FAM168B: variants seen among roughly 807,000 people sequenced by gnomAD.
The protein encoded by FAM168B is family with sequence similarity 168 member B.
FAM168B carries 19 observed loss-of-function variants against 21.8 expected under a neutral mutation model. The ratio of observed to expected loss-of-function variants is 0.87; its 90% confidence interval spans 0.61 to 1.28. The LOEUF (loss-of-function observed/expected upper bound fraction) is 1.28. FAM168B is among the 50% of genes most tolerant of loss of function. The probability of loss-of-function intolerance (pLI) is 0.00; values close to 1 mark genes in which losing one functional copy is unlikely to be tolerated. For synonymous variants in FAM168B, 126 were observed against 104.8 expected, an observed-to-expected ratio of 1.20 and a Z score of -1.24; for missense variants, 233 against 263.1, an observed-to-expected ratio of 0.89 and a Z score of 0.79.
chr2:131,058,618 A>G (rs1443904683), intron 3 of FAM168B, among the ~76,000 whole-genome samples: 2 of 152,234 alleles, frequency 1.3e-5, no homozygotes, highest in Middle Eastern at 3.2e-3. Context: ...CACTGCCAAA[A>G]TTTGAATACA....
chr2:131,090,365 T>C (rs1299871134), intron 1 of FAM168B, among the ~76,000 whole-genome samples: 1 of 150,152 alleles, frequency 6.7e-6, no homozygotes, highest in African/African-American at 2.4e-5. Context: ...CACTATATAC[T>C]ATTGTTTCCT....
At chr2:131,084,101 C>T (rs1022345503) in intron 1 of FAM168B, among the ~76,000 whole-genome samples, 1 of 151,904 alleles carries the variant, frequency 6.6e-6, no homozygotes, top group Non-Finnish European at 1.5e-5. Context: ...CGGGGTTTCA[C>T]CATGTTGGCC....
chr2:131,056,813 A>AGATACAAGGACAC (rs1692046261), intron 3 of FAM168B, among the ~76,000 whole-genome samples: 1 of 152,192 alleles, frequency 6.6e-6, no homozygotes, highest in South Asian at 2.1e-4. Context: ...CAAAGGAGCC[A>AGATACAAGGACAC]GATACAAGGA....
In FAM168B at chr2:131,050,824, C is replaced by A; in HGVS notation, c.*1641G>T. 1.0e-6 allele frequency: 1 copy of A among 985,410 alleles called. No individual in the cohort carries two copies. Among genetic ancestry groups the A allele is most frequent in the Non-Finnish European group, 1.2e-6 (1 of 829,974 alleles). The allele number at this position is 985,410 out of a possible 1,614,324, so 61.0% of individuals were successfully genotyped here. On this transcript the variant is annotated 3_prime_UTR_variant, in exon 7 of 7. Transcript: ENST00000389915. Reference sequence around the variant, plus strand: ...ATGAAGAGGAGCAGAGCCCCCTCCCCACCAGAGCCCACAGCACTCAAACCA... The same window carrying A: ...ATGAAGAGGAGCAGAGCCCCCTCCCAACCAGAGCCCACAGCACTCAAACCA...
intron 1 of FAM168B, among the ~76,000 whole-genome samples, chr2:131,090,572 A>T (rs1693956456): frequency 6.6e-6 from 1 of 152,140 alleles, no homozygotes; most frequent in Non-Finnish European, 1.5e-5. Context: ...GTCTGGCAAC[A>T]TCAACAAGAG....
At chr2:131,080,930 A>T (rs1472483127) in intron 2 of FAM168B, among the ~76,000 whole-genome samples, 1 of 151,892 alleles carries the variant, frequency 6.6e-6, no homozygotes, top group Non-Finnish European at 1.5e-5. Context: ...TCGGCCTCCC[A>T]AAGTGCTGGG....
intron 1 of FAM168B, among the ~76,000 whole-genome samples, chr2:131,090,015 T>C (rs1294933966): frequency 1.9e-5 from 2 of 106,962 alleles, no homozygotes; most frequent in Admixed American, 9.6e-5. Flanking sequence ...CTGGGCGACA[T>C]GGACGCTCCA....
rs1006225219 is a variant in FAM168B at position 131,059,841 on chromosome 2, G to A, written c.155-4146C>T. On this transcript the variant is annotated intron_variant, in intron 3 of 6. Transcript: ENST00000389915. ...ACACAGTTCTAATTTATCTTTTAAA[G>A]ATAATATTTAAAAAGCTGATGAATA... is the stretch of plus-strand genomic sequence containing the variant. Among the ~76,000 whole-genome samples the A allele has an allele frequency of 7.9e-5, 12 of 152,262 alleles. 1 individual carries two copies. The highest frequency in any genetic ancestry group is 3.4e-3 in the Middle Eastern group (1 of 294).
Position 131,048,007 on chromosome 2 carries a change from C to A in FAM168B, c.*4458G>T. 1 of 299,378 alleles carries A rather than the reference C, an allele frequency of 3.3e-6. No individual in the cohort carries two copies. Among genetic ancestry groups the A allele is most frequent in the Non-Finnish European group, 6.2e-6 (1 of 160,600 alleles). The allele number at this position is 299,378 out of a possible 1,614,324, so 18.5% of individuals were successfully genotyped here. ...ATTGCATAAAAAATTAAAATAGTAT[C>A]AATTGACACCTAACTGAACTGGCTC... is the stretch of plus-strand genomic sequence containing the variant. On this transcript the variant is annotated 3_prime_UTR_variant, in exon 7 of 7. Coordinates refer to ENST00000389915, the MANE Select transcript of FAM168B (RefSeq NM_001009993.4).
chr2:131,086,098 T>C (rs1383117344), intron 1 of FAM168B, among the ~76,000 whole-genome samples: 2 of 152,154 alleles, frequency 1.3e-5, no homozygotes, highest in Non-Finnish European at 2.9e-5. Flanking sequence ...ATAAACATAC[T>C]AGCAACTGCC....
chr2:131,090,298 G>A lies in FAM168B; in HGVS notation c.-12+2916C>T, dbSNP rs533761371. ...CGTGCCACTGCACTCCAGCCTGGGC[G>A]ACAAAGCGAGACTCTTGTCTCAAAA... On this transcript the variant is annotated intron_variant, in intron 1 of 6. Coordinates refer to ENST00000389915, the MANE Select transcript of FAM168B (RefSeq NM_001009993.4). Among the ~76,000 whole-genome samples the A allele has an allele frequency of 1.0e-3, 140 of 138,602 alleles. 1 individual carries two copies. Among genetic ancestry groups the A allele is most frequent in the African/African-American group, 3.3e-3 (120 of 36,478 alleles). The allele number at this position is 138,602 out of a possible 152,430, so 90.9% of individuals were successfully genotyped here. A position where few individuals can be genotyped will look rare whatever the true frequency, so the allele number is the denominator to read the frequency against.
At chr2:131,079,682 G>A (rs1196873276) in intron 2 of FAM168B, among the ~76,000 whole-genome samples, 4 of 152,094 alleles carry the variant, frequency 2.6e-5, no homozygotes. Context: ...CATCTCTATG[G>A]CTTTAACCCA....
In FAM168B at chr2:131,049,390, G is replaced by A. The variant is rs570773520; in HGVS notation, c.*3075C>T. ...AGGTTTCCCAGAATAGCGACAGGTA[G>A]GCCTACAAACCACACCAAGAAGAAC... On this transcript the variant is annotated 3_prime_UTR_variant, in exon 7 of 7. Transcript: ENST00000389915. 101 of 985,340 alleles carry A rather than the reference G, an allele frequency of 1.0e-4. No individual in the cohort carries two copies. Among genetic ancestry groups the A allele is most frequent in the Non-Finnish European group, 1.2e-4 (98 of 829,984 alleles). The allele number at this position is 985,340 out of a possible 1,614,324, so 61.0% of individuals were successfully genotyped here. A position where few individuals can be genotyped will look rare whatever the true frequency, so the allele number is the denominator to read the frequency against.
chr2:131,052,827 T>C (rs954572221), intron 6 of FAM168B, 64 bp downstream of exon 6: 3 of 1,526,416 alleles, frequency 2.0e-6, no homozygotes, highest in African/African-American at 2.8e-5. Context: ...TGTGGTAAAT[T>C]TGCCACTGTC....
rs542448727 is a variant in FAM168B at position 131,064,675 on chromosome 2, C to T, written c.154+7180G>A. Among the ~76,000 whole-genome samples, 20 of 152,228 alleles carry T rather than the reference C, an allele frequency of 1.3e-4. No homozygotes were observed. In the South Asian group the frequency reaches 2.3e-3, roughly 17 times the overall value. Reference sequence around the variant, plus strand: ...CAGGTGGTTACTGAAGAAAATCCCCCGCCAAAACCAGAGTAAACGAGGAAA... The same window carrying T: ...CAGGTGGTTACTGAAGAAAATCCCCTGCCAAAACCAGAGTAAACGAGGAAA... On this transcript the variant is annotated intron_variant, in intron 3 of 6. Transcript: ENST00000389915.
rs746720323 is a variant in FAM168B, at chr2:131,050,812, G to T, written c.*1653C>A. On this transcript the variant is annotated 3_prime_UTR_variant, in exon 7 of 7. Coordinates refer to ENST00000389915, the MANE Select transcript of FAM168B (RefSeq NM_001009993.4). ...AGCTACCAGCAAATGAAGAGGAGCA[G>T]AGCCCCCTCCCCACCAGAGCCCACA... 2.2e-5 allele frequency: 22 copies of T among 985,312 alleles called. No homozygotes were observed. Among genetic ancestry groups the T allele is most frequent in the Non-Finnish European group, 2.7e-5 (22 of 829,984 alleles). The allele number at this position is 985,312 out of a possible 1,614,324, so 61.0% of individuals were successfully genotyped here.
intron 5 of FAM168B, among the ~76,000 whole-genome samples, chr2:131,054,470 G>A (rs1253760230): frequency 6.6e-6 from 1 of 152,108 alleles, no homozygotes. Flanking sequence ...AGATAAGTAT[G>A]GGGAAAACCA....
chr2:131,066,161 C>CTT lies in FAM168B; in HGVS notation c.154+5692_154+5693dup, dbSNP rs762218220. On this transcript the variant is annotated intron_variant, in intron 3 of 6. Transcript: ENST00000389915. ...CCATCACTCTTTGCAACATTTGTAT[C>CTT]TTTTTTTTTTTTTTTTTGAGACTGA... 5.1e-3 allele frequency among the ~76,000 whole-genome samples: 706 copies of CTT among 138,332 alleles called. 6 individuals are homozygous for CTT. The highest frequency in any genetic ancestry group is 0.036 in the East Asian group (171 of 4,704). 90.8% of individuals were successfully genotyped at this position (138,332 alleles called of 152,430 possible).
intron 1 of FAM168B, among the ~76,000 whole-genome samples, chr2:131,084,570 C>T (rs1693588440): frequency 6.6e-6 from 1 of 151,882 alleles, no homozygotes; most frequent in Non-Finnish European, 1.5e-5. Flanking sequence ...TACAGCCCAG[C>T]ACCTCTATGA....
Sources: allele counts gnomAD v4.1 joint callset (sites outside exome capture counted in the v4.1 genomes callset), GRCh38; gene constraint gnomAD v4.1.1; transcripts MANE v1.5; gene names NCBI Gene and HGNC (gene_info 2026-07-23, HGNC 2026-07-21).